Variants in ARL13B observed in about 807,000 individuals in gnomAD.
ARL13B encodes ARF like GTPase 13B.
In ARL13B, 36 loss-of-function variants were observed where a neutral mutation model predicts 56.1. The ratio of observed to expected loss-of-function variants is 0.64; its 90% CI spans 0.49 to 0.85. The LOEUF is 0.85. Ranked by LOEUF, ARL13B falls within the 40% of genes least tolerant of loss-of-function variation. ARL13B has a pLI of 0.00. For synonymous variants in ARL13B, 178 were observed against 171.1 expected, an observed-to-expected ratio of 1.04 and a Z score of -0.32; for missense variants, 519 against 507.1, an observed-to-expected ratio of 1.02 and a Z score of -0.23.
rs148565697 is a variant in ARL13B at position 94,046,919 on chromosome 3, G to A, written c.1025-2487G>A. Among the ~76,000 whole-genome samples, 552 of 151,870 alleles carry A rather than the reference G, an allele frequency of 3.6e-3. 6 individuals carry two copies. The highest frequency in any genetic ancestry group is 0.012 in the African/African-American group (498 of 41,416). ...CAGAATGTTCATGATTTTTGGTATC[G>A]TAGGGATATAGCCTGCATTTGGAAT... On this transcript the variant is annotated intron_variant, in intron 7 of 9. Transcript: ENST00000394222.
chr3:93,993,300 A>G (rs1308259578), intron 1 of ARL13B, among the ~76,000 whole-genome samples: 2 of 149,026 alleles, frequency 1.3e-5, no homozygotes, highest in Non-Finnish European at 3.0e-5. Context: ...TAATTTTTGT[A>G]TTTTTAGTAG....
At chr3:94,036,835 C>G in intron 5 of ARL13B, 81 bp downstream of exon 5, 1 of 1,445,328 alleles carries the variant, frequency 6.9e-7, no homozygotes, top group Non-Finnish European at 9.5e-7. Context: ...TTAGTTTTAT[C>G]TGTTCAGTTT....
intron 3 of ARL13B, 145 bp from the exon 4 acceptor site, chr3:94,035,186 G>T: frequency 1.9e-6 from 1 of 539,300 alleles, no homozygotes; most frequent in Non-Finnish European, 3.2e-6. Flanking sequence ...GCAGTGAGCT[G>T]AGATTGCACC....
At chr3:94,022,587 A>G (rs1297143232) in intron 3 of ARL13B, among the ~76,000 whole-genome samples, 1 of 152,050 alleles carries the variant, frequency 6.6e-6, no homozygotes, top group Non-Finnish European at 1.5e-5. Flanking sequence ...GTGACTACCC[A>G]AATATTATTT....
chr3:94,045,824 G>C (rs566759342), intron 7 of ARL13B, among the ~76,000 whole-genome samples: 1 of 151,358 alleles, frequency 6.6e-6, no homozygotes, highest in Admixed American at 6.6e-5. Context: ...GGTGGTGGGC[G>C]CCTGTGGTCC....
At position 94,054,197 on chromosome 3, in the gene ARL13B, TA is replaced by T; in HGVS notation, c.*937del. 2.2e-6 allele frequency: 1 copy of T among 452,818 alleles called. No homozygotes were observed. The highest frequency in any genetic ancestry group is 4.4e-6 in the Non-Finnish European group (1 of 226,020). 28.1% of individuals were successfully genotyped at this position (452,818 alleles called of 1,614,324 possible). A position where few individuals can be genotyped will look rare whatever the true frequency, so the allele number is the denominator to read the frequency against. On this transcript the variant is annotated 3_prime_UTR_variant, in exon 10 of 10. Coordinates refer to ENST00000394222, the MANE Select transcript of ARL13B (RefSeq NM_001174150.2). ...TTCTAATTCTTTCATGCCTTGAAAT[TA>T]AACTATGAAATTAAAGGCAGAAAAA...
chr3:94,008,510 A>G (rs1206162271), intron 3 of ARL13B, among the ~76,000 whole-genome samples: 1 of 152,202 alleles, frequency 6.6e-6, no homozygotes. Context: ...TTCCATTAAT[A>G]GTACAAGGCA....
At chr3:93,986,405 CTG>C (rs1206255466) in intron 1 of ARL13B, among the ~76,000 whole-genome samples, 27 of 152,242 alleles carry the variant, frequency 1.8e-4, no homozygotes, top group African/African-American at 5.1e-4. Context: ...TAAAATCACA[CTG>C]TTTTTTCGAT....
intron 3 of ARL13B, chr3:94,014,580 C>G: frequency 1.2e-6 from 2 of 1,611,684 alleles, no homozygotes; most frequent in Non-Finnish European, 1.7e-6. Context: ...TGAAAAGATC[C>G]CTTAAATCCT....
intron 1 of ARL13B, among the ~76,000 whole-genome samples, chr3:93,990,209 T>C (rs543135423): frequency 1.3e-5 from 2 of 152,186 alleles, no homozygotes; most frequent in East Asian, 1.9e-4. Flanking sequence ...AGTTTCACCA[T>C]GTGGGCCAGG....
At position 94,042,365 on chromosome 3, in the gene ARL13B, TA is replaced by T. The variant is rs775825495; in HGVS notation, c.799-642del. Among the ~76,000 whole-genome samples, 60 of 151,942 alleles carry T rather than the reference TA, an allele frequency of 3.9e-4. No individual in the cohort carries two copies. In the East Asian group the frequency reaches 5.6e-3, roughly 14 times the overall value. On this transcript the variant is annotated intron_variant, in intron 6 of 9. Transcript: ENST00000394222. ...TGTTAGCAATTTAATCTAAAAAAAT[TA>T]AAAAAAAGCTATTAGGATGATTCTG...
At chr3:94,004,381 A>G (rs1360853375) in intron 3 of ARL13B, among the ~76,000 whole-genome samples, 2 of 152,098 alleles carry the variant, frequency 1.3e-5, no homozygotes, top group Admixed American at 1.3e-4. Context: ...TGTGATTGTT[A>G]TCAAATTAGG....
rs1560021181 is a variant in ARL13B, at chr3:94,054,122, TC to T, written c.*862del. 1 of 452,954 alleles carries T rather than the reference TC, an allele frequency of 2.2e-6. No homozygotes were observed. Among genetic ancestry groups the T allele is most frequent in the Admixed American group, 2.4e-5 (1 of 42,534 alleles). The allele number at this position is 452,954 out of a possible 1,614,324, so 28.1% of individuals were successfully genotyped here. ...TAGACACTTTCAGAGATCAAGGTGCTCCCTATACTCCCTTGTTCCATCAGAA... is the reference window on the plus strand; with the variant it reads ...TAGACACTTTCAGAGATCAAGGTGCTCCTATACTCCCTTGTTCCATCAGAA... On this transcript the variant is annotated 3_prime_UTR_variant, in exon 10 of 10. Transcript: ENST00000394222.
Position 94,038,429 on chromosome 3 carries a change from A to G in ARL13B, c.690-1451A>G, listed in dbSNP as rs563213753. Among the ~76,000 whole-genome samples the G allele has an allele frequency of 3.4e-4, 52 of 151,080 alleles. No homozygotes were observed. In the South Asian group the frequency reaches 7.5e-3, roughly 22 times the overall value. ...GTAAATATTATGGTAATGAACATTT[A>G]CATTGCTATACCATACTTACAGTCC... On this transcript the variant is annotated intron_variant, in intron 5 of 9. Coordinates refer to ENST00000394222, the MANE Select transcript of ARL13B (RefSeq NM_001174150.2).
intron 3 of ARL13B, among the ~76,000 whole-genome samples, chr3:94,012,290 A>G (rs967682254): frequency 1.3e-5 from 2 of 152,054 alleles, no homozygotes; most frequent in Admixed American, 1.3e-4. Flanking sequence ...TAAAACCTCC[A>G]CTTGGACCTT....
chr3:94,029,547 G>A (rs535065710), intron 3 of ARL13B, among the ~76,000 whole-genome samples: 101 of 151,236 alleles, frequency 6.7e-4, no homozygotes, highest in African/African-American at 2.3e-3. Context: ...CACCATGTTT[G>A]CCAGGCTGGT....
intron 1 of ARL13B, among the ~76,000 whole-genome samples, chr3:93,982,271 A>G (rs1710258687): frequency 6.6e-6 from 1 of 152,244 alleles, no homozygotes; most frequent in South Asian, 2.1e-4. Context: ...TTTTCTTAAT[A>G]AAGCATTATT....
chr3:94,034,585 T>A (rs1053562648), intron 3 of ARL13B, among the ~76,000 whole-genome samples: 1 of 152,102 alleles, frequency 6.6e-6, no homozygotes, highest in African/African-American at 2.4e-5. Flanking sequence ...ATTGCACATT[T>A]ATGTGGACAC....
intron 9 of ARL13B, among the ~76,000 whole-genome samples, chr3:94,052,693 C>A (rs891618496): frequency 2.0e-5 from 3 of 152,002 alleles, no homozygotes; most frequent in Non-Finnish European, 4.4e-5. Context: ...TCTTAACTTG[C>A]TATAACTTTT....
Sources: gnomAD v4.1 joint callset for allele counts (sites outside exome capture counted in the v4.1 genomes callset) on GRCh38, gnomAD v4.1.1 for gene constraint, MANE v1.5 for transcripts, NCBI Gene and HGNC (gene_info 2026-07-23, HGNC 2026-07-21) for gene names.